Variants in ZFHX3 observed in about 807,000 individuals in gnomAD.
ZFHX3 encodes zinc finger homeobox protein 3.
A neutral mutation model predicts 279.1 loss-of-function variants in ZFHX3; 42 were observed. The observed-to-expected ratio is 0.15, with a 90% confidence interval of 0.12 to 0.19. The LOEUF (loss-of-function observed/expected upper bound fraction) is 0.19. Ranked by LOEUF, ZFHX3 falls within the 10% of genes least tolerant of loss-of-function variation. The pLI is 1.00. For synonymous variants in ZFHX3, 2,293 were observed against 1,957.8 expected, an observed-to-expected ratio of 1.17 and a Z score of -4.52; for missense variants, 4,981 against 4,754.0, an observed-to-expected ratio of 1.05 and a Z score of -1.40.
At chr16:73,578,625 GT>G (rs1025469950) in intron 2 of ZFHX3, among the ~76,000 whole-genome samples, 3 of 151,376 alleles carry the variant, frequency 2.0e-5, no homozygotes, top group East Asian at 1.9e-4. Flanking sequence ...GAAGTGATGT[GT>G]TTTTTTTTAA....
chr16:73,855,026 T>A (rs1961688132), intron 1 of ZFHX3, among the ~76,000 whole-genome samples: 1 of 152,124 alleles, frequency 6.6e-6, no homozygotes, highest in Admixed American at 6.5e-5. Flanking sequence ...CAAGCCAGTA[T>A]TTTTCCCGAG....
chr16:73,425,800 A>T (rs2017799963), intron 3 of ZFHX3, among the ~76,000 whole-genome samples: 1 of 152,116 alleles, frequency 6.6e-6, no homozygotes, highest in South Asian at 2.1e-4. Context: ...TTCTCTTCAG[A>T]TCATTGCGAA....
At chr16:73,153,735 C>T (rs1040326885) in intron 5 of ZFHX3, among the ~76,000 whole-genome samples, 2 of 151,940 alleles carry the variant, frequency 1.3e-5, no homozygotes, top group African/African-American at 4.8e-5. Context: ...CTGCAACCTC[C>T]ACCTCCCGGG....
chr16:72,886,218 C>T (rs376414782), intron 4 of ZFHX3, among the ~76,000 whole-genome samples: 13 of 152,102 alleles, frequency 8.5e-5, no homozygotes, highest in African/African-American at 3.1e-4. Flanking sequence ...TCCCTTTTGT[C>T]ATCAGTTATA....
At chr16:73,376,353 G>T (rs555726602) in intron 3 of ZFHX3, among the ~76,000 whole-genome samples, 6 of 152,148 alleles carry the variant, frequency 3.9e-5, no homozygotes, top group Non-Finnish European at 8.8e-5. Context: ...TGTAGAAAAT[G>T]CTTGCAAAAT....
intron 4 of ZFHX3, among the ~76,000 whole-genome samples, chr16:73,282,994 G>T (rs2014495539): frequency 6.6e-6 from 1 of 152,112 alleles, no homozygotes. Flanking sequence ...TGCCCTCATG[G>T]ATATCACATC....
intron 1 of ZFHX3, among the ~76,000 whole-genome samples, chr16:73,885,943 T>C (rs2030332288): frequency 6.6e-6 from 1 of 152,186 alleles, no homozygotes; most frequent in Non-Finnish European, 1.5e-5. Context: ...AAACAAACTT[T>C]CCCTGACCAA....
chr16:73,306,463 G>A (rs1222912423), intron 4 of ZFHX3, among the ~76,000 whole-genome samples: 1 of 151,616 alleles, frequency 6.6e-6, no homozygotes, highest in East Asian at 1.9e-4. Flanking sequence ...GGGATTACAG[G>A]TGCCCGCCAC....
chr16:73,733,169 T>A (rs766121536), intron 1 of ZFHX3, among the ~76,000 whole-genome samples: 29 of 152,198 alleles, frequency 1.9e-4, no homozygotes, highest in African/African-American at 7.2e-5. Context: ...TTGTACAAAG[T>A]GTGTGTTGGC....
At chr16:73,834,799 G>A (rs924131023) in intron 1 of ZFHX3, among the ~76,000 whole-genome samples, 1 of 152,178 alleles carries the variant, frequency 6.6e-6, no homozygotes, top group African/African-American at 2.4e-5. Context: ...ACTGAGGCAG[G>A]AGAACCGCTT....
chr16:73,740,699 T>G (rs963582905), intron 1 of ZFHX3, among the ~76,000 whole-genome samples: 5 of 152,188 alleles, frequency 3.3e-5, no homozygotes, highest in African/African-American at 1.2e-4. Flanking sequence ...CTGTTGCTCT[T>G]CTCTTGGGGT....
In ZFHX3 at chr16:72,912,289, A is replaced by G. The variant is rs571747969; in HGVS notation, c.3217-22327T>C. 1.3e-4 allele frequency among the ~76,000 whole-genome samples: 20 copies of G among 152,354 alleles called. No homozygotes were observed. In the South Asian group the frequency reaches 4.1e-3, roughly 32 times the overall value. ...ATTATCTTGAAAGGAGAGGGTTAGT[A>G]AACAGCAAGTTAATTAAATTCTCAG... On this transcript the variant is annotated intron_variant, in intron 3 of 9. Coordinates refer to ENST00000268489, the MANE Select transcript of ZFHX3 (RefSeq NM_006885.4).
intron 5 of ZFHX3, among the ~76,000 whole-genome samples, chr16:73,166,183 C>T (rs1967361051): frequency 6.6e-6 from 1 of 152,104 alleles, no homozygotes; most frequent in Admixed American, 6.5e-5. Flanking sequence ...CTGGGTTCAG[C>T]TTGAGCCACC....
intron 3 of ZFHX3, among the ~76,000 whole-genome samples, chr16:73,445,354 T>C (rs1401019259): frequency 6.6e-6 from 1 of 151,554 alleles, no homozygotes; most frequent in Admixed American, 6.6e-5. Context: ...ATCCATGGTT[T>C]TCCCAGTTTT....
chr16:73,575,641 G>A (rs1190703940), intron 2 of ZFHX3, among the ~76,000 whole-genome samples: 1 of 152,098 alleles, frequency 6.6e-6, no homozygotes, highest in Non-Finnish European at 1.5e-5. Flanking sequence ...GATTTTCAGG[G>A]GGAGAAAATC....
intron 3 of ZFHX3, among the ~76,000 whole-genome samples, chr16:72,893,164 T>G (rs2038815022): frequency 6.6e-6 from 1 of 151,994 alleles, no homozygotes; most frequent in African/African-American, 2.4e-5. Context: ...TAAAACTGAG[T>G]GAATAAAAGA....
intron 4 of ZFHX3, among the ~76,000 whole-genome samples, chr16:72,830,400 A>G (rs1047927569): frequency 6.6e-6 from 1 of 152,226 alleles, no homozygotes; most frequent in Non-Finnish European, 1.5e-5. Context: ...GAGTCACAGA[A>G]TATCAGTGAT....
chr16:72,799,382 C>T (rs1182552944), intron 8 of ZFHX3, among the ~76,000 whole-genome samples: 1 of 152,136 alleles, frequency 6.6e-6, no homozygotes, highest in African/African-American at 2.4e-5. Context: ...TTTAACAGGT[C>T]ATTTGTCCAT....
Position 72,787,975 on chromosome 16 carries a change from A to G in ZFHX3, c.10301T>C (p.Leu3434Pro), listed in dbSNP as rs756691596. 6.2e-7 allele frequency: 1 copy of G among 1,604,904 alleles called. No homozygotes were observed. The highest frequency in any genetic ancestry group is 8.5e-7 in the Non-Finnish European group (1 of 1,177,344). The change falls in exon 10 of 10, where the codon CTC becomes CCC. Residue 3434 changes from leucine (L) to proline (P), a missense_variant. Leu to Pro is a moderately conservative substitution (Grantham distance 98). This residue lies in a region of ZFHX3 where 1,034 missense variants were observed against 786.0 expected (regional missense o/e 1.32). Coordinates refer to ENST00000268489, the MANE Select transcript of ZFHX3 (RefSeq NM_006885.4). ...QKNTPREVSP[L>P]LPKLPEEPEA... is the part of the protein sequence containing the mutation. ...TGGCTCTTCAGGGAGTTTCGGCAGG[A>G]GGGGGGACACCTCACGGGGGGTGTT...
Sources: gnomAD v4.1 joint callset for allele counts (sites outside exome capture counted in the v4.1 genomes callset) on GRCh38, gnomAD v4.1.1 for gene constraint, gnomAD v4.1.1 regional missense constraint, MANE v1.5 for transcripts, NCBI Gene and HGNC (gene_info 2026-07-23, HGNC 2026-07-21) for gene names.